Variants in WDR70 observed in about 807,000 individuals in gnomAD.
The protein encoded by WDR70 is WD repeat domain 70.
WDR70 carries 53 observed loss-of-function variants against 88.6 expected under a neutral mutation model. The observed-to-expected ratio is 0.60, with a 90% CI of 0.48 to 0.75. The LOEUF (loss-of-function observed/expected upper bound fraction) is 0.75. WDR70 is among the 30% of genes least tolerant of loss of function. WDR70 has a pLI of 0.00. For synonymous variants in WDR70, 280 were observed against 270.0 expected (o/e 1.04, Z -0.36); for missense variants, 610 against 823.2 (o/e 0.74, Z 3.17).
At chr5:37,650,277 T>C (rs1242738300) in intron 10 of WDR70, among the ~76,000 whole-genome samples, 1 of 151,296 alleles carries the variant, frequency 6.6e-6, no homozygotes, top group Non-Finnish European at 1.5e-5. Context: ...GGTGGGCGCC[T>C]GTAGTCCCAG....
At chr5:37,399,014 C>A (rs1453088876) in intron 5 of WDR70, among the ~76,000 whole-genome samples, 1 of 152,304 alleles carries the variant, frequency 6.6e-6, no homozygotes, top group East Asian at 1.9e-4. Flanking sequence ...CGTAGTGGCT[C>A]ACGCCTGTAA....
chr5:37,527,547 C>T (rs1290787359), intron 9 of WDR70, among the ~76,000 whole-genome samples: 2 of 151,302 alleles, frequency 1.3e-5, no homozygotes, highest in Non-Finnish European at 3.0e-5. Context: ...AAAACCTAGG[C>T]AATACAATTC....
intron 9 of WDR70, among the ~76,000 whole-genome samples, chr5:37,586,375 T>C (rs1743364624): frequency 6.6e-6 from 1 of 152,218 alleles, no homozygotes. Flanking sequence ...TGTTTTTACT[T>C]AACATCTCTT....
intron 7 of WDR70, among the ~76,000 whole-genome samples, chr5:37,449,824 G>A (rs1738613838): frequency 6.6e-6 from 1 of 151,880 alleles, no homozygotes; most frequent in Non-Finnish European, 1.5e-5. Context: ...AGGTATACAC[G>A]TACCATGATG....
intron 9 of WDR70, among the ~76,000 whole-genome samples, chr5:37,565,979 TACC>T (rs1263273297): frequency 3.3e-5 from 5 of 152,140 alleles, no homozygotes; most frequent in Non-Finnish European, 5.9e-5. Context: ...ACAATTCACA[TACC>T]ATAAAATTTA....
chr5:37,582,318 G>A (rs540571783), intron 9 of WDR70, among the ~76,000 whole-genome samples: 6 of 152,248 alleles, frequency 3.9e-5, no homozygotes, highest in South Asian at 4.1e-4. Context: ...TCAGGAAAAC[G>A]TGTATTGATT....
intron 10 of WDR70, 51 bp from the exon 11 acceptor site, chr5:37,697,604 C>G (rs1436396179): frequency 1.3e-5 from 19 of 1,460,296 alleles, no homozygotes; most frequent in Non-Finnish European, 1.7e-5. Flanking sequence ...CAAAACTGTT[C>G]TCTTCTGAAT....
chr5:37,699,391 GTATATA>G (rs752043560), intron 11 of WDR70, among the ~76,000 whole-genome samples: 1 of 20,862 alleles, frequency 4.8e-5, no homozygotes, highest in South Asian at 0.01. Context: ...ATGTATGTGT[GTATATA>G]TATATACACA....
At chr5:37,688,157 A>G (rs2112630735) in intron 10 of WDR70, 1 of 404,438 alleles carries the variant, frequency 2.5e-6, no homozygotes, top group South Asian at 8.7e-5. Context: ...AGTATTATGC[A>G]TTTGCCTGTT....
chr5:37,632,775 A>G (rs890722547), intron 10 of WDR70, among the ~76,000 whole-genome samples: 5 of 152,214 alleles, frequency 3.3e-5, no homozygotes, highest in African/African-American at 9.6e-5. Flanking sequence ...ATTTTAGTAT[A>G]GCCTAAGCTT....
At chr5:37,446,565 C>T (rs1392691276) in intron 7 of WDR70, among the ~76,000 whole-genome samples, 6 of 152,318 alleles carry the variant, frequency 3.9e-5, no homozygotes, top group East Asian at 1.9e-4. Flanking sequence ...GGAACCAAAA[C>T]GGCATGGTAC....
chr5:37,709,480 C>G (rs534971816), intron 13 of WDR70, among the ~76,000 whole-genome samples: 136 of 152,306 alleles, frequency 8.9e-4, no homozygotes, highest in Non-Finnish European at 1.4e-3. Context: ...GTGTGGAGCA[C>G]TTGCTCACTG....
intron 8 of WDR70, among the ~76,000 whole-genome samples, chr5:37,485,455 G>A (rs1176345754): frequency 6.6e-6 from 1 of 152,098 alleles, no homozygotes; most frequent in Non-Finnish European, 1.5e-5. Context: ...TTAATGCCAT[G>A]CTTTTCCTAT....
At chr5:37,604,433 G>A (rs542359056) in intron 9 of WDR70, among the ~76,000 whole-genome samples, 3 of 152,264 alleles carry the variant, frequency 2.0e-5, no homozygotes, top group African/African-American at 7.2e-5. Context: ...GTCTTGTGGT[G>A]TTTGTTCTAC....
intron 10 of WDR70, among the ~76,000 whole-genome samples, chr5:37,616,715 A>G (rs1744355141): frequency 1.3e-5 from 2 of 152,132 alleles, no homozygotes. Flanking sequence ...GTTTCCCTTT[A>G]AGATTAATAT....
At chr5:37,526,185 G>C (rs1214446220) in intron 9 of WDR70, among the ~76,000 whole-genome samples, 2 of 152,130 alleles carry the variant, frequency 1.3e-5, no homozygotes, top group African/African-American at 2.4e-5. Flanking sequence ...AACAAAAAAA[G>C]AGAATTTTAG....
intron 7 of WDR70, among the ~76,000 whole-genome samples, chr5:37,449,613 A>T (rs1374116549): frequency 5.2e-4 from 47 of 90,490 alleles, no homozygotes; most frequent in African/African-American, 1.4e-3. Flanking sequence ...ATAAAAAATA[A>T]AAAATAAATA....
In WDR70 at chr5:37,477,467, G is replaced by C. The variant is rs184703596; in HGVS notation, c.687-2367G>C. 1.6e-3 allele frequency among the ~76,000 whole-genome samples: 239 copies of C among 152,126 alleles called. 2 individuals carry two copies. The highest frequency in any genetic ancestry group is 5.6e-3 in the African/African-American group (231 of 41,482). ...ATTTATTAGCTTAGTATTGATTTTG[G>C]GAGGAAGGGCTCACCATAGTTGGCA... is the stretch of plus-strand genomic sequence containing the variant. On this transcript the variant is annotated intron_variant, in intron 7 of 17. Coordinates refer to ENST00000265107, the MANE Select transcript of WDR70 (RefSeq NM_018034.4).
chr5:37,499,587 T>TTCTCTCTCTCTCTCTCTCTC (rs72226896), intron 8 of WDR70, among the ~76,000 whole-genome samples: 4 of 41,860 alleles, frequency 9.6e-5, no homozygotes, highest in African/African-American at 2.4e-4. Flanking sequence ...TTTGGAAATA[T>TTCTCTCTCTCTCTCTCTCTC]TCTCTCTCTC....
Sources: allele counts gnomAD v4.1 joint callset (sites outside exome capture counted in the v4.1 genomes callset), GRCh38; gene constraint gnomAD v4.1.1; transcripts MANE v1.5; gene names NCBI Gene and HGNC (gene_info 2026-07-23, HGNC 2026-07-21).